Variants in SV2C observed in about 807,000 individuals in gnomAD.
The protein encoded by SV2C is solute carrier family 22 member B3.
SV2C carries 49 observed loss-of-function variants against 79.7 expected under a neutral mutation model. The ratio of observed to expected loss-of-function variants is 0.61; its 90% CI spans 0.49 to 0.78. SV2C has a LOEUF of 0.78. Among genes scored for constraint, SV2C ranks in the 30% least tolerant of loss-of-function variants. The pLI, the probability that SV2C is intolerant of heterozygous loss-of-function variation, is 0.00. For missense variants in SV2C, 833 were observed against 912.9 expected, an observed-to-expected ratio of 0.91 and a Z score of 1.13; for synonymous variants, 334 against 333.2, an observed-to-expected ratio of 1.00 and a Z score of -0.03.
At chr5:76,082,384 G>C (rs1350769556), upstream of SV2C, 1 of 152,226 alleles carries the variant, frequency 6.6e-6, no homozygotes, top group African/African-American at 2.4e-5. Flanking sequence ...AGTGAAGCTC[G>C]AGTTGGGGTC....
chr5:76,085,467 T>C (rs982134469), intron 1 of SV2C, among the ~76,000 whole-genome samples: 1 of 152,112 alleles, frequency 6.6e-6, no homozygotes, highest in Non-Finnish European at 1.5e-5. Context: ...TGACAAAGTT[T>C]TTCTACTGGC....
In SV2C at chr5:76,242,454, C is replaced by T. The variant is rs1182470592; in HGVS notation, c.913+32567C>T. 1.2e-5 allele frequency: 7 copies of T among 571,710 alleles called. No individual in the cohort carries two copies. In the East Asian group the frequency reaches 2.2e-4, roughly 18 times the overall value. 35.4% of individuals were successfully genotyped at this position (571,710 alleles called of 1,614,324 possible). A position where few individuals can be genotyped will look rare whatever the true frequency, so the allele number is the denominator to read the frequency against. ...CTGCCCACCTCGGCCTCCCAAAGTGCTGTGATTACAGGCATGAACCAATGC... is the reference window on the plus strand; with the variant it reads ...CTGCCCACCTCGGCCTCCCAAAGTGTTGTGATTACAGGCATGAACCAATGC... On this transcript the variant is annotated intron_variant, in intron 4 of 12. Transcript: ENST00000502798.
chr5:76,281,085 TA>T, intron 4 of SV2C: 1 of 541,524 alleles, frequency 1.8e-6, no homozygotes. Flanking sequence ...GTGTAAAGAC[TA>T]AAAAAACTAA....
intron 4 of SV2C, among the ~76,000 whole-genome samples, chr5:76,282,483 T>C (rs972651655): frequency 6.6e-6 from 1 of 152,242 alleles, no homozygotes; most frequent in African/African-American, 2.4e-5. Flanking sequence ...AGGGCCCTTC[T>C]CGACTAGGCT....
intron 6 of SV2C, among the ~76,000 whole-genome samples, chr5:76,288,474 G>A (rs929810996): frequency 1.3e-5 from 2 of 152,148 alleles, no homozygotes; most frequent in African/African-American, 4.8e-5. Context: ...CAATAGAGGG[G>A]AAAAATTTTA....
chr5:76,159,982 TA>T (rs964139190), intron 2 of SV2C, among the ~76,000 whole-genome samples: 1 of 151,920 alleles, frequency 6.6e-6, no homozygotes, highest in African/African-American at 2.4e-5. Context: ...ATAATAGTAT[TA>T]AAAAATAAAA....
chr5:76,010,932 T>C, the SV2C span, among the ~76,000 whole-genome samples: 1 of 152,140 alleles, frequency 6.6e-6, no homozygotes, highest in Non-Finnish European at 1.5e-5. Flanking sequence ...TTGAACCTTG[T>C]TTTGATTATC....
chr5:76,020,333 C>T, the SV2C span, among the ~76,000 whole-genome samples: 18 of 152,196 alleles, frequency 1.2e-4, no homozygotes, highest in African/African-American at 4.3e-4. Flanking sequence ...GGAATTTCAT[C>T]ATTGCTATGG....
At chr5:76,007,827 G>A in the SV2C span, among the ~76,000 whole-genome samples, 1 of 152,062 alleles carries the variant, frequency 6.6e-6, no homozygotes, top group African/African-American at 2.4e-5. Context: ...TGTGACTTAT[G>A]GAAATCAGCT....
At chr5:76,026,962 T>G in the SV2C span, among the ~76,000 whole-genome samples, 8 of 152,114 alleles carry the variant, frequency 5.3e-5, no homozygotes, top group African/African-American at 1.9e-4. Context: ...CTTTTCCTAT[T>G]TTTTTTCTAA....
chr5:76,215,668 C>T lies in SV2C; in HGVS notation c.913+5781C>T, dbSNP rs147133503. 7.5e-3 allele frequency among the ~76,000 whole-genome samples: 1,140 copies of T among 152,236 alleles called. 8 individuals carry two copies. Among genetic ancestry groups the T allele is most frequent in the Non-Finnish European group, 0.011 (775 of 68,022 alleles). On this transcript the variant is annotated intron_variant, in intron 4 of 12. Transcript: ENST00000502798. ...GCTCTGTCCTCTTTCACTGAGGAGG[C>T]CTTTGAGTGCCCACCACTCCCTGTG...
intron 1 of SV2C, among the ~76,000 whole-genome samples, chr5:76,113,123 G>T (rs564296058): frequency 6.6e-6 from 1 of 152,170 alleles, no homozygotes; most frequent in South Asian, 2.1e-4. Context: ...ATACCTATAC[G>T]CATGGAATTC....
At chr5:76,227,897 C>T (rs540579028) in intron 4 of SV2C, among the ~76,000 whole-genome samples, 4 of 152,316 alleles carry the variant, frequency 2.6e-5, no homozygotes, top group East Asian at 1.9e-4. Context: ...TGTCCCATCG[C>T]GGCTCACTTA....
chr5:76,322,064 A>C (rs2972854), intron 12 of SV2C, among the ~76,000 whole-genome samples: 14,036 of 152,218 alleles, frequency 0.092, 706 homozygotes, highest in Admixed American at 0.14. Flanking sequence ...TAGTATCTGA[A>C]AGATGAGGGA....
chr5:76,121,346 T>C (rs1474976997), intron 1 of SV2C, among the ~76,000 whole-genome samples: 3 of 152,056 alleles, frequency 2.0e-5, no homozygotes, highest in African/African-American at 7.3e-5. Context: ...GTAGTTTCTT[T>C]TCCTGTGCAG....
At chr5:76,104,158 A>G (rs189378171) in intron 1 of SV2C, among the ~76,000 whole-genome samples, 1 of 152,196 alleles carries the variant, frequency 6.6e-6, no homozygotes, top group South Asian at 2.1e-4. Context: ...AGGTAGCACT[A>G]TGAGCATTTT....
chr5:76,302,771 T>C (rs1748055310), intron 12 of SV2C, among the ~76,000 whole-genome samples: 1 of 152,034 alleles, frequency 6.6e-6, no homozygotes, highest in Non-Finnish European at 1.5e-5. Context: ...CTTTACCATT[T>C]GATATGAGCT....
upstream of SV2C, among the ~76,000 whole-genome samples, chr5:76,082,863 T>C (rs1207811789): frequency 2.6e-5 from 4 of 152,152 alleles, no homozygotes; most frequent in Non-Finnish European, 4.4e-5. Context: ...GGTTGCTCCC[T>C]GGAAGCCAAG....
chr5:76,353,552 T>C (rs1200098425), exon 13 of SV2C: 2 of 152,378 alleles, frequency 1.3e-5, no homozygotes, highest in Non-Finnish European at 2.9e-5. Flanking sequence ...AGAAAAGCAT[T>C]ACAAACAATT....
Sources: gnomAD v4.1 joint callset for allele counts (sites outside exome capture counted in the v4.1 genomes callset) on GRCh38, gnomAD v4.1.1 for gene constraint, MANE v1.5 for transcripts, NCBI Gene and HGNC (gene_info 2026-07-23, HGNC 2026-07-21) for gene names.